RCAN1: variants seen among roughly 807,000 people sequenced by gnomAD.
The protein encoded by RCAN1 is regulator of calcineurin 1, also known as calcipressin-1.
A neutral mutation model predicts 22.9 loss-of-function variants in RCAN1; 11 were observed. The ratio of observed to expected loss-of-function variants is 0.48; its 90% confidence interval spans 0.30 to 0.79. The LOEUF (loss-of-function observed/expected upper bound fraction) is 0.79. Ranked by LOEUF, RCAN1 falls within the 30% of genes least tolerant of loss-of-function variation. The pLI, the probability that RCAN1 is intolerant of heterozygous loss-of-function variation, is 0.06. For synonymous variants in RCAN1, 136 were observed against 142.3 expected (o/e 0.96, Z 0.32); for missense variants, 291 against 337.8 (o/e 0.86, Z 1.09).
intron 2 of RCAN1, chr21:34,522,739 T>TGG (rs11411200): frequency 1.1e-4 from 2 of 17,578 alleles, no homozygotes; most frequent in African/African-American, 3.6e-4. Context: ...GGGGGCGGGT[T>TGG]GGGGGGGTGC....
chr21:34,534,569 C>T (rs533574672), intron 1 of RCAN1, among the ~76,000 whole-genome samples: 1 of 152,324 alleles, frequency 6.6e-6, no homozygotes, highest in Non-Finnish European at 1.5e-5. Context: ...CACCAAAATT[C>T]GGAGAACTGC....
At chr21:34,601,929 G>A (rs765511297) in intron 1 of RCAN1, among the ~76,000 whole-genome samples, 1 of 151,860 alleles carries the variant, frequency 6.6e-6, no homozygotes, top group East Asian at 1.9e-4. Context: ...ACTCTCAGCT[G>A]AGCCATGAAA....
intron 1 of RCAN1, among the ~76,000 whole-genome samples, chr21:34,607,536 C>T (rs1245051422): frequency 6.6e-6 from 1 of 152,028 alleles, no homozygotes; most frequent in Non-Finnish European, 1.5e-5. Context: ...ACTACAGGCG[C>T]GTGCCACCAC....
intron 1 of RCAN1, among the ~76,000 whole-genome samples, chr21:34,591,212 C>A (rs1987962606): frequency 6.6e-6 from 1 of 152,166 alleles, no homozygotes; most frequent in Non-Finnish European, 1.5e-5. Context: ...CAAAATGAAA[C>A]CCCTGCCCAC....
intron 1 of RCAN1, among the ~76,000 whole-genome samples, chr21:34,587,478 A>T (rs777453284): frequency 6.6e-5 from 10 of 152,162 alleles, no homozygotes; most frequent in Admixed American, 2.6e-4. Flanking sequence ...GAAAAATATT[A>T]TAAAAAAGAA....
intron 1 of RCAN1, among the ~76,000 whole-genome samples, chr21:34,545,236 T>C (rs1986088239): frequency 6.6e-6 from 1 of 152,176 alleles, no homozygotes; most frequent in African/African-American, 2.4e-5. Context: ...CAGAGGGAGA[T>C]CACAGCATTG....
At chr21:34,588,312 T>C (rs982885969) in intron 1 of RCAN1, among the ~76,000 whole-genome samples, 1 of 152,082 alleles carries the variant, frequency 6.6e-6, no homozygotes, top group Non-Finnish European at 1.5e-5. Flanking sequence ...TGGTGACTGG[T>C]GAGTAATAGC....
intron 1 of RCAN1, among the ~76,000 whole-genome samples, chr21:34,567,081 C>T (rs1176825656): frequency 6.6e-6 from 1 of 152,186 alleles, no homozygotes; most frequent in African/African-American, 2.4e-5. Context: ...AATGGTACTG[C>T]TTTGCCTCCC....
intron 3 of RCAN1, among the ~76,000 whole-genome samples, chr21:34,520,117 G>A (rs887758158): frequency 2.0e-5 from 3 of 152,140 alleles, no homozygotes; most frequent in African/African-American, 7.2e-5. Flanking sequence ...GAAAAGCACA[G>A]GTGAAATATG....
chr21:34,567,587 T>C (rs1214076197), intron 1 of RCAN1, among the ~76,000 whole-genome samples: 1 of 151,038 alleles, frequency 6.6e-6, no homozygotes, highest in Non-Finnish European at 1.5e-5. Context: ...AACTCCTGAA[T>C]ACTTCGAAAG....
At chr21:34,535,535 A>G (rs1473308155) in intron 1 of RCAN1, among the ~76,000 whole-genome samples, 1 of 152,206 alleles carries the variant, frequency 6.6e-6, no homozygotes, top group East Asian at 1.9e-4. Context: ...GTTTAAAAAA[A>G]CACTTTGAAG....
At chr21:34,550,184 C>T (rs531223094) in intron 1 of RCAN1, among the ~76,000 whole-genome samples, 29 of 152,282 alleles carry the variant, frequency 1.9e-4, no homozygotes, top group African/African-American at 2.9e-4. Context: ...CTTACTTCCA[C>T]GACAAAACAG....
chr21:34,529,303 G>A (rs1985248464), intron 1 of RCAN1, among the ~76,000 whole-genome samples: 1 of 152,220 alleles, frequency 6.6e-6, no homozygotes, highest in African/African-American at 2.4e-5. Flanking sequence ...TGAGAGGTAT[G>A]GAGCAGATTT....
chr21:34,559,237 A>C (rs1986700105), intron 1 of RCAN1: 1 of 152,208 alleles, frequency 6.6e-6, no homozygotes, highest in Non-Finnish European at 1.5e-5. Context: ...CAAATTGAGT[A>C]GTGTTGGGAA....
chr21:34,589,539 C>CAGT (rs1987904216), intron 1 of RCAN1, among the ~76,000 whole-genome samples: 13 of 152,060 alleles, frequency 8.5e-5, no homozygotes, highest in Non-Finnish European at 1.5e-4. Flanking sequence ...TCAAACTGGC[C>CAGT]CCGGTGTGTG....
At position 34,561,814 on chromosome 21, in the gene RCAN1, G is replaced by A. The variant is rs1009239868; in HGVS notation, c.253-38104C>T. On this transcript the variant is annotated intron_variant, in intron 1 of 3. Coordinates refer to ENST00000313806, the MANE Select transcript of RCAN1 (RefSeq NM_004414.7). ...AATATTCCGTCAATATTGGCCCGAC[G>A]TTCAGGGCCACGGTGGTCCCACAGC... Among the ~76,000 whole-genome samples the A allele has an allele frequency of 5.9e-5, 9 of 152,284 alleles. 1 individual carries two copies. Among genetic ancestry groups the A allele is most frequent in the African/African-American group, 9.6e-5 (4 of 41,558 alleles).
intron 1 of RCAN1, among the ~76,000 whole-genome samples, chr21:34,557,154 A>T (rs1386881828): frequency 1.3e-5 from 2 of 152,220 alleles, no homozygotes; most frequent in Non-Finnish European, 2.9e-5. Flanking sequence ...CGGAGGTTGC[A>T]GTGAGCCGAG....
At chr21:34,564,132 C>A (rs954593263) in intron 1 of RCAN1, among the ~76,000 whole-genome samples, 1 of 152,026 alleles carries the variant, frequency 6.6e-6, no homozygotes, top group African/African-American at 2.4e-5. Flanking sequence ...AGGGGAAATG[C>A]CAGACACTTT....
chr21:34,547,734 T>C (rs1280676696), intron 1 of RCAN1, among the ~76,000 whole-genome samples: 1 of 152,224 alleles, frequency 6.6e-6, no homozygotes, highest in African/African-American at 2.4e-5. Context: ...TTTGGCTCCA[T>C]GTCCTCTCCC....
Sources: allele counts gnomAD v4.1 joint callset (sites outside exome capture counted in the v4.1 genomes callset), GRCh38; gene constraint gnomAD v4.1.1; transcripts MANE v1.5; gene names NCBI Gene and HGNC (gene_info 2026-07-23, HGNC 2026-07-21).